Variants in MVB12B observed in about 807,000 individuals in gnomAD.
The protein encoded by MVB12B is multivesicular body subunit 12B.
In MVB12B, 16 loss-of-function variants were observed where a neutral mutation model predicts 41.6. The observed-to-expected ratio is 0.38, with a 90% CI of 0.26 to 0.58. The LOEUF (loss-of-function observed/expected upper bound fraction) is 0.58, where lower values mean the gene tolerates loss of function less well. MVB12B is among the 20% of genes least tolerant of loss of function. The pLI is 0.62. For synonymous variants in MVB12B, 133 were observed against 139.7 expected (o/e 0.95, Z 0.34); for missense variants, 274 against 380.2 (o/e 0.72, Z 2.32).
At chr9:126,474,880 C>T (rs1236473342) in intron 7 of MVB12B, among the ~76,000 whole-genome samples, 2 of 152,274 alleles carry the variant, frequency 1.3e-5, no homozygotes, top group East Asian at 1.9e-4. Flanking sequence ...TGAAGGCCCC[C>T]GGGATGACCC....
At chr9:126,327,308 C>T (rs1040707567) in intron 1 of MVB12B, 10 of 985,270 alleles carry the variant, frequency 1.0e-5, no homozygotes, top group Non-Finnish European at 1.2e-5. Context: ...TGAGGGGCGC[C>T]GAGAGCCACC....
chr9:126,352,863 C>G (rs1319945905), intron 2 of MVB12B, among the ~76,000 whole-genome samples: 1 of 152,214 alleles, frequency 6.6e-6, no homozygotes, highest in Non-Finnish European at 1.5e-5. Context: ...ATTTATGTTT[C>G]AGCCTTAATA....
chr9:126,455,152 G>A (rs1355145794), intron 7 of MVB12B, among the ~76,000 whole-genome samples: 1 of 151,964 alleles, frequency 6.6e-6, no homozygotes, highest in African/African-American at 2.4e-5. Flanking sequence ...CTGGCTAGAG[G>A]TGAATTTATT....
intron 2 of MVB12B, among the ~76,000 whole-genome samples, chr9:126,375,463 G>C (rs986674457): frequency 1.6e-5 from 2 of 125,032 alleles, no homozygotes; most frequent in African/African-American, 3.4e-5. Flanking sequence ...TATTTCTTTC[G>C]AACGAGAAAG....
At position 126,407,245 on chromosome 9, in the gene MVB12B, G is replaced by A. The variant is rs144082643; in HGVS notation, c.662+11548G>A. Among the ~76,000 whole-genome samples, 24 of 152,098 alleles carry A rather than the reference G, an allele frequency of 1.6e-4. 2 individuals are homozygous for A. In the East Asian group the frequency reaches 3.5e-3, roughly 22 times the overall value. The stretch of plus-strand genomic sequence containing the variant: ...CCTTTCACCCAAAAAGCGTTTTTAC[G>A]GCCAGGATGTGCCCGTAGTCACCAA... On this transcript the variant is annotated intron_variant, in intron 6 of 9. Coordinates refer to ENST00000361171, the MANE Select transcript of MVB12B (RefSeq NM_033446.3).
chr9:126,499,706 G>C (rs1833911745), intron 9 of MVB12B, among the ~76,000 whole-genome samples: 1 of 152,302 alleles, frequency 6.6e-6, no homozygotes, highest in South Asian at 2.1e-4. Context: ...TGGGGAGTTA[G>C]GGAAAACAAG....
At chr9:126,383,834 T>C (rs1184916016) in intron 3 of MVB12B, among the ~76,000 whole-genome samples, 1 of 151,976 alleles carries the variant, frequency 6.6e-6, no homozygotes. Context: ...CCATTTTGTA[T>C]GCATGCAAGG....
chr9:126,355,632 T>TG (rs1829861390), intron 2 of MVB12B, among the ~76,000 whole-genome samples: 1 of 152,210 alleles, frequency 6.6e-6, no homozygotes, highest in Non-Finnish European at 1.5e-5. Context: ...GGCATTTGCT[T>TG]GGGCCCCAAA....
chr9:126,433,494 C>T (rs1832384046), intron 7 of MVB12B, among the ~76,000 whole-genome samples: 1 of 152,120 alleles, frequency 6.6e-6, no homozygotes, highest in Admixed American at 6.5e-5. Flanking sequence ...CCAAGCCCAT[C>T]GTTTCACTTA....
At chr9:126,363,444 G>A (rs757244803) in intron 2 of MVB12B, among the ~76,000 whole-genome samples, 13 of 152,168 alleles carry the variant, frequency 8.5e-5, no homozygotes, top group Non-Finnish European at 5.9e-5. Flanking sequence ...GCAAATACAC[G>A]TTGACTCCGT....
chr9:126,472,993 GA>G (rs1564343721), intron 7 of MVB12B, among the ~76,000 whole-genome samples: 1 of 152,096 alleles, frequency 6.6e-6, no homozygotes. Flanking sequence ...AGAAGAAGAA[GA>G]AAGCACTGGC....
intron 2 of MVB12B, among the ~76,000 whole-genome samples, chr9:126,373,765 G>A (rs1469368355): frequency 2.0e-5 from 3 of 151,944 alleles, no homozygotes; most frequent in African/African-American, 7.3e-5. Flanking sequence ...TAAATCCAGC[G>A]GATTTTTATT....
intron 7 of MVB12B, among the ~76,000 whole-genome samples, chr9:126,422,843 G>C (rs144699182): frequency 1.7e-4 from 26 of 152,222 alleles, no homozygotes; most frequent in African/African-American, 6.3e-4. Context: ...AGTTTTTCTC[G>C]TTATGATCAC....
At chr9:126,405,822 ATAATAT>A (rs1588144927) in intron 6 of MVB12B, among the ~76,000 whole-genome samples, 1 of 149,654 alleles carries the variant, frequency 6.7e-6, no homozygotes, top group Non-Finnish European at 1.5e-5. Context: ...CAGTTGAATA[ATAATAT>A]TAATAATTAT....
At chr9:126,344,587 G>C (rs1829538662) in intron 2 of MVB12B, among the ~76,000 whole-genome samples, 1 of 152,250 alleles carries the variant, frequency 6.6e-6, no homozygotes, top group Admixed American at 6.5e-5. Flanking sequence ...GGCAGCTGCT[G>C]CTCTGGCCTT....
intron 2 of MVB12B, among the ~76,000 whole-genome samples, chr9:126,365,332 C>CT (rs11461253): frequency 0.47 from 56,763 of 119,766 alleles, 14,323 homozygotes; most frequent in African/African-American, 0.67. Context: ...CCCAAAGTGT[C>CT]TTTTTTTTTT....
At position 126,333,843 on chromosome 9, in the gene MVB12B, T is replaced by TTCCA. The variant is rs59801697; in HGVS notation, c.82-6623_82-6620dup. On this transcript the variant is annotated intron_variant, in intron 1 of 9. Transcript: ENST00000361171. The surrounding 1 kb of genome is among the most constrained non-coding windows in gnomAD (Gnocchi z 4.7). ...CCATGGAAGATTACCTTTAGGTTCA[T>TTCCA]TCCATCCATCCATCCATCCATCCAT... 4.2e-3 allele frequency among the ~76,000 whole-genome samples: 631 copies of TTCCA among 149,774 alleles called. 2 individuals carry two copies. The highest frequency in any genetic ancestry group is 7.9e-3 in the South Asian group (37 of 4,672).
At chr9:126,360,775 A>C (rs1336722443) in intron 2 of MVB12B, among the ~76,000 whole-genome samples, 1 of 152,226 alleles carries the variant, frequency 6.6e-6, no homozygotes, top group Non-Finnish European at 1.5e-5. Context: ...TTGCATAAAC[A>C]TTAAGGAATG....
intron 8 of MVB12B, among the ~76,000 whole-genome samples, 158 bp from the exon 9 acceptor site, chr9:126,483,815 G>A (rs570696094): frequency 3.3e-5 from 5 of 152,294 alleles, no homozygotes; most frequent in South Asian, 2.1e-4. Context: ...ACCCCCACGC[G>A]TGACCGAGAG....
Sources: allele counts gnomAD v4.1 joint callset (sites outside exome capture counted in the v4.1 genomes callset), GRCh38; gene constraint gnomAD v4.1.1; non-coding constraint Gnocchi (gnomAD v3.1); transcripts MANE v1.5; gene names NCBI Gene and HGNC (gene_info 2026-07-23, HGNC 2026-07-21).